The following ROBO1 variants were observed in gnomAD, a reference collection of about 807,000 sequenced individuals.
The protein encoded by ROBO1 is roundabout homolog 1.
ROBO1 carries 149 observed loss-of-function variants against 195.9 expected under a neutral mutation model. The observed-to-expected ratio is 0.76, with a 90% CI of 0.67 to 0.87. The LOEUF is 0.87. Among genes scored for constraint, ROBO1 ranks in the 40% least tolerant of loss-of-function variants. The pLI is 0.00. For missense variants in ROBO1, 1,933 were observed against 2,068.3 expected (o/e 0.93, Z 1.27); for synonymous variants, 816 against 733.2 (o/e 1.11, Z -1.82).
chr3:79,541,811 ATGTG>A (rs759471208), intron 2 of ROBO1, among the ~76,000 whole-genome samples: 1,960 of 147,014 alleles, frequency 0.013, 22 homozygotes, highest in Middle Eastern at 0.029. Flanking sequence ...GTGTATATAT[ATGTG>A]TGTGTGTGTG....
At chr3:78,699,200 T>C (rs570524339) in intron 8 of ROBO1, among the ~76,000 whole-genome samples, 1 of 152,166 alleles carries the variant, frequency 6.6e-6, no homozygotes, top group South Asian at 2.1e-4. Flanking sequence ...TCACCTACTA[T>C]TTTGGTCTTT....
At chr3:79,537,069 C>T (rs1941896893) in intron 2 of ROBO1, among the ~76,000 whole-genome samples, 1 of 151,482 alleles carries the variant, frequency 6.6e-6, no homozygotes, top group East Asian at 1.9e-4. Flanking sequence ...TAGACATTTG[C>T]CTTAGTGGTC....
At chr3:79,325,360 A>G (rs757813605) in intron 2 of ROBO1, among the ~76,000 whole-genome samples, 1 of 152,210 alleles carries the variant, frequency 6.6e-6, no homozygotes, top group Non-Finnish European at 1.5e-5. Flanking sequence ...CCCCTCAAAA[A>G]AGACAAGTGT....
At chr3:78,603,797 A>G (rs2107258467) in intron 29 of ROBO1, among the ~76,000 whole-genome samples, 1 of 152,322 alleles carries the variant, frequency 6.6e-6, no homozygotes, top group East Asian at 1.9e-4. Context: ...AATTTGGAAA[A>G]GCAGAGCATA....
At chr3:79,566,130 A>C (rs1258372936) in intron 2 of ROBO1, among the ~76,000 whole-genome samples, 1 of 152,090 alleles carries the variant, frequency 6.6e-6, no homozygotes, top group East Asian at 1.9e-4. Flanking sequence ...TTTTCTTCTG[A>C]ACAAGAAAGA....
At chr3:79,338,403 C>T (rs1162242443) in intron 2 of ROBO1, among the ~76,000 whole-genome samples, 1 of 152,160 alleles carries the variant, frequency 6.6e-6, no homozygotes, top group Admixed American at 6.5e-5. Flanking sequence ...TGTTACTTTA[C>T]CACACTCAGT....
intron 4 of ROBO1, among the ~76,000 whole-genome samples, chr3:78,899,787 AAAT>A (rs1358649364): frequency 1.3e-5 from 2 of 152,140 alleles, no homozygotes; most frequent in Non-Finnish European, 2.9e-5. Context: ...TTTTCCTTAA[AAAT>A]AATATTACCT....
intron 4 of ROBO1, among the ~76,000 whole-genome samples, chr3:78,856,550 A>C (rs1431150485): frequency 6.6e-6 from 1 of 151,862 alleles, no homozygotes; most frequent in Non-Finnish European, 1.5e-5. Context: ...CGTATAACCA[A>C]TAATTGCAAG....
intron 2 of ROBO1, among the ~76,000 whole-genome samples, chr3:79,382,715 T>A (rs903846347): frequency 6.6e-6 from 1 of 152,156 alleles, no homozygotes; most frequent in African/African-American, 2.4e-5. Context: ...ATTTACATCC[T>A]GAAGTTTTTG....
intron 4 of ROBO1, among the ~76,000 whole-genome samples, chr3:78,878,614 T>C (rs1449493949): frequency 1.6e-5 from 2 of 123,310 alleles, no homozygotes; most frequent in Non-Finnish European, 1.7e-5. Flanking sequence ...AAAAACTGCA[T>C]AATGGGCACC....
At chr3:78,871,997 G>A (rs1347731447) in intron 4 of ROBO1, among the ~76,000 whole-genome samples, 5 of 152,114 alleles carry the variant, frequency 3.3e-5, no homozygotes, top group Admixed American at 2.6e-4. Flanking sequence ...TTAAACACAA[G>A]AGCTTTTCTG....
intron 4 of ROBO1, among the ~76,000 whole-genome samples, chr3:78,814,526 T>C (rs543981514): frequency 6.6e-6 from 1 of 152,082 alleles, no homozygotes; most frequent in East Asian, 1.9e-4. Flanking sequence ...TAAAAAAGGA[T>C]GAAATAATTT....
chr3:78,711,348 C>CTCCTTTCTTTTCTTTCTTCCT (rs1575992298), intron 8 of ROBO1, among the ~76,000 whole-genome samples: 1 of 54,688 alleles, frequency 1.8e-5, no homozygotes, highest in African/African-American at 9.2e-5. Context: ...TCCTTCCTTC[C>CTCCTTTCTTTTCTTTCTTCCT]TCCTTCCTTC....
In ROBO1 at chr3:79,501,753, T is replaced by TA. The variant is rs533982641; in HGVS notation, c.88+88070dup. ...GATTACATCCACAAAAGGCTTTTTTTAAAAAAACAAATCTATGTCAAACCA... is the reference window on the plus strand; with the variant it reads ...GATTACATCCACAAAAGGCTTTTTTTAAAAAAAACAAATCTATGTCAAACCA... On this transcript the variant is annotated intron_variant, in intron 2 of 30. Coordinates refer to ENST00000464233, the MANE Select transcript of ROBO1 (RefSeq NM_002941.4). Among the ~76,000 whole-genome samples, 79 of 152,294 alleles carry TA rather than the reference T, an allele frequency of 5.2e-4. 1 individual carries two copies. The highest frequency in any genetic ancestry group is 2.3e-3 in the Admixed American group (35 of 15,298).
At chr3:79,269,384 A>G (rs1576901123) in intron 2 of ROBO1, among the ~76,000 whole-genome samples, 1 of 151,716 alleles carries the variant, frequency 6.6e-6, no homozygotes. Flanking sequence ...TACGCCATAT[A>G]ACTATTTGTC....
intron 1 of ROBO1, among the ~76,000 whole-genome samples, chr3:79,733,382 G>A (rs1017272065): frequency 5.9e-5 from 9 of 152,154 alleles, no homozygotes; most frequent in Admixed American, 1.3e-4. Context: ...GATATAGGAT[G>A]ACAACATTTT....
intron 1 of ROBO1, among the ~76,000 whole-genome samples, chr3:79,760,590 A>G (rs927585877): frequency 7.0e-6 from 1 of 142,866 alleles, no homozygotes; most frequent in Non-Finnish European, 1.5e-5. Context: ...AATGGGTAAA[A>G]ATTATGTTTA....
intron 2 of ROBO1, among the ~76,000 whole-genome samples, chr3:79,565,533 C>A (rs992304576): frequency 6.6e-6 from 1 of 151,964 alleles, no homozygotes; most frequent in Non-Finnish European, 1.5e-5. Flanking sequence ...AAACTTGTTT[C>A]TTTCCTTTAG....
chr3:79,426,315 A>G (rs2038445150), intron 2 of ROBO1, among the ~76,000 whole-genome samples: 2 of 151,970 alleles, frequency 1.3e-5, no homozygotes, highest in Non-Finnish European at 2.9e-5. Flanking sequence ...TGACATTACT[A>G]TTACTTATTT....
Sources: allele counts gnomAD v4.1 joint callset (sites outside exome capture counted in the v4.1 genomes callset), GRCh38; gene constraint gnomAD v4.1.1; transcripts MANE v1.5; gene names NCBI Gene and HGNC (gene_info 2026-07-23, HGNC 2026-07-21).